ADAMTS17: variants seen among roughly 807,000 people sequenced by gnomAD.
ADAMTS17 encodes the protein A disintegrin and metalloproteinase with thrombospondin motifs 17.
Under a neutral mutation model 141.5 loss-of-function variants are expected in ADAMTS17, and 113 were observed. The observed-to-expected ratio is 0.80, with a 90% CI of 0.69 to 0.93. The LOEUF (loss-of-function observed/expected upper bound fraction) is 0.93, where lower values mean the gene tolerates loss of function less well. Among genes scored for constraint, ADAMTS17 ranks in the 40% least tolerant of loss-of-function variants. ADAMTS17 has a pLI of 0.00. For synonymous variants in ADAMTS17, 768 were observed against 630.6 expected (o/e 1.22, Z -3.27); for missense variants, 1,659 against 1,517.9 (o/e 1.09, Z -1.54).
intron 8 of ADAMTS17, among the ~76,000 whole-genome samples, chr15:100,164,853 G>C (rs541627019): frequency 1.3e-4 from 20 of 152,310 alleles, no homozygotes; most frequent in African/African-American, 4.6e-4. Flanking sequence ...ACTGTTCTTG[G>C]TAAGTGGCTA....
chr15:100,290,586 T>G (rs2044595982), intron 3 of ADAMTS17, among the ~76,000 whole-genome samples: 2 of 152,130 alleles, frequency 1.3e-5, no homozygotes, highest in South Asian at 4.1e-4. Context: ...GAAGGAGGCA[T>G]GACATTACCG....
In ADAMTS17 at chr15:100,063,569, C is replaced by T. The variant is rs116610493; in HGVS notation, c.2138-9515G>A. On this transcript the variant is annotated intron_variant, in intron 15 of 21. Coordinates refer to ENST00000268070, the MANE Select transcript of ADAMTS17 (RefSeq NM_139057.4). ...GGTGCTCATGTCATTACAACACAGG[C>T]GTGAAACCAGCCATAACCCGGGAGG... is the stretch of plus-strand genomic sequence containing the variant. 1.8e-3 allele frequency: 1,789 copies of T among 982,496 alleles called. 22 individuals carry two copies. In the African/African-American group the frequency reaches 0.026, roughly 14 times the overall value. 60.9% of individuals were successfully genotyped at this position (982,496 alleles called of 1,614,324 possible).
intron 6 of ADAMTS17, chr15:100,257,068 C>T (rs1377079567): frequency 1.3e-5 from 2 of 152,254 alleles, no homozygotes; most frequent in African/African-American, 2.4e-5. Context: ...TCCGGCTTGA[C>T]CACAGCCTGG....
intron 3 of ADAMTS17, among the ~76,000 whole-genome samples, chr15:100,319,550 A>C (rs2045666301): frequency 6.6e-6 from 1 of 152,284 alleles, no homozygotes; most frequent in Non-Finnish European, 1.5e-5. Context: ...CTCTACTAAA[A>C]ATACAAAAAA....
In ADAMTS17 at chr15:100,204,130, A is replaced by G. The variant is rs145087981; in HGVS notation, c.1076-4707T>C. ...ATTAGTTCTTTTTCAGTAGAAAACT[A>G]CATGATAGAAGCTCATAACTCTTTA... On this transcript the variant is annotated intron_variant, in intron 7 of 21. Coordinates refer to ENST00000268070, the MANE Select transcript of ADAMTS17 (RefSeq NM_139057.4). 7.8e-4 allele frequency among the ~76,000 whole-genome samples: 119 copies of G among 152,332 alleles called. 1 individual carries two copies. The East Asian group carries it at 0.014, about 18-fold the overall frequency.
At position 100,204,301 on chromosome 15, in the gene ADAMTS17, C is replaced by T. The variant is rs747490022; in HGVS notation, c.1076-4878G>A. 1.0e-3 allele frequency among the ~76,000 whole-genome samples: 159 copies of T among 152,342 alleles called. 2 individuals carry two copies. Among genetic ancestry groups the T allele is most frequent in the Admixed American group, 2.0e-3 (30 of 15,306 alleles). ...GCCCATTAGTCCAACCTTACAGGGT[C>T]TGCCTTTGAGAGAGATGGCTCAGTT... On this transcript the variant is annotated intron_variant, in intron 7 of 21. Transcript: ENST00000268070.
At chr15:100,221,402 CA>C (rs2042130329) in intron 7 of ADAMTS17, among the ~76,000 whole-genome samples, 1 of 152,022 alleles carries the variant, frequency 6.6e-6, no homozygotes, top group African/African-American at 2.4e-5. Flanking sequence ...ACAGCTCATA[CA>C]CTCATATAAG....
chr15:100,306,233 G>C (rs2045220354), intron 3 of ADAMTS17: 5 of 332,978 alleles, frequency 1.5e-5, no homozygotes, highest in Admixed American at 3.8e-5. Flanking sequence ...GAGCGGTGGG[G>C]TCTATCTCTC....
intron 15 of ADAMTS17, among the ~76,000 whole-genome samples, chr15:100,088,868 A>T (rs1431472442): frequency 7.7e-6 from 1 of 129,972 alleles, no homozygotes; most frequent in Non-Finnish European, 1.5e-5. Context: ...TACATGTGAG[A>T]CCTAAACCAG....
At chr15:99,998,019 G>C (rs979762029) in intron 18 of ADAMTS17, among the ~76,000 whole-genome samples, 3 of 152,216 alleles carry the variant, frequency 2.0e-5, no homozygotes, top group Non-Finnish European at 4.4e-5. Context: ...TGGGAGAACA[G>C]TCCCAGTACA....
rs2060206359 is a variant in ADAMTS17, at chr15:99,971,646, AAACGAAAAAAG to A, written c.*2745_*2755del. Reference sequence around the variant, plus strand: ...TGGAAAATAGATACATTTGACTCTGAAACGAAAAAAGGACAATCGTATTGCCATAGAGGCTC... The same window carrying A: ...TGGAAAATAGATACATTTGACTCTGAGACAATCGTATTGCCATAGAGGCTC... On this transcript the variant is annotated 3_prime_UTR_variant, in exon 22 of 22. Transcript: ENST00000268070. The A allele has an allele frequency of 1.3e-5, 2 of 152,236 alleles. No homozygotes were observed. Among genetic ancestry groups the A allele is most frequent in the African/African-American group, 2.4e-5 (1 of 41,444 alleles). The allele number at this position is 152,236 out of a possible 1,614,324, so 9.4% of individuals were successfully genotyped here. A position where few individuals can be genotyped will look rare whatever the true frequency, so the allele number is the denominator to read the frequency against.
intron 4 of ADAMTS17, among the ~76,000 whole-genome samples, chr15:100,277,692 G>C (rs1374007633): frequency 1.3e-5 from 2 of 152,208 alleles, no homozygotes; most frequent in African/African-American, 4.8e-5. Flanking sequence ...GAGGAACACG[G>C]AACTATTTCT....
intron 8 of ADAMTS17, among the ~76,000 whole-genome samples, chr15:100,198,537 T>C (rs182401739): frequency 6.6e-6 from 1 of 152,248 alleles, no homozygotes; most frequent in African/African-American, 2.4e-5. Context: ...CTGTTTGGCA[T>C]GCTCTGGCCT....
At chr15:100,059,290 G>A (rs1007914822) in intron 15 of ADAMTS17, among the ~76,000 whole-genome samples, 5 of 152,234 alleles carry the variant, frequency 3.3e-5, no homozygotes, top group Admixed American at 6.5e-5. Flanking sequence ...GGCCATCGCC[G>A]CAGTGGCTGC....
At chr15:99,982,852 AGCTGGCT>A (rs2060508680) in intron 20 of ADAMTS17, among the ~76,000 whole-genome samples, 1 of 152,186 alleles carries the variant, frequency 6.6e-6, no homozygotes, top group Non-Finnish European at 1.5e-5. Context: ...TGTGCGTCGG[AGCTGGCT>A]GCCCGGTGGA....
Position 99,997,552 on chromosome 15 carries a change from A to T in ADAMTS17, c.2629T>A (p.Cys877Ser). The stretch of plus-strand genomic sequence containing the variant: ...TCCCGGTGCTGGAAGCCTTTCTCAC[A>T]GGTCGCCGAGCAGGGGCTCCACGGG... ...AGPWSPCSAT[C>S]EKGFQHREVT... The change falls in exon 19 of 22, where the codon TGT becomes AGT. Residue 877 changes from cysteine (C) to serine (S), a missense_variant. Coordinates refer to ENST00000268070, the MANE Select transcript of ADAMTS17 (RefSeq NM_139057.4). This position sits in a 1 kb window ranked among gnomAD's most constrained non-coding sequence, Gnocchi z 4.7. 1 of 1,613,388 alleles carries T rather than the reference A, an allele frequency of 6.2e-7. No individual in the cohort carries two copies. The highest frequency in any genetic ancestry group is 8.5e-7 in the Non-Finnish European group (1 of 1,179,924).
intron 7 of ADAMTS17, among the ~76,000 whole-genome samples, chr15:100,229,014 T>C (rs986014675): frequency 6.6e-6 from 1 of 152,190 alleles, no homozygotes; most frequent in African/African-American, 2.4e-5. Flanking sequence ...GGTGAAACAT[T>C]CAGTGACATT....
chr15:100,082,636 C>T (rs2034824315), intron 15 of ADAMTS17, among the ~76,000 whole-genome samples: 1 of 151,828 alleles, frequency 6.6e-6, no homozygotes, highest in African/African-American at 2.4e-5. Flanking sequence ...TTTGAGATCT[C>T]TTTTTTGTTT....
In ADAMTS17 at chr15:100,077,613, C is replaced by G. The variant is rs573248584; in HGVS notation, c.2137+18743G>C. Among the ~76,000 whole-genome samples the G allele has an allele frequency of 2.3e-3, 343 of 152,228 alleles. 6 individuals carry two copies. Among genetic ancestry groups the G allele is most frequent in the South Asian group, 2.7e-3 (13 of 4,820 alleles). ...TCAACAAACTAGGAATAGAAGGGAGCATGCTCAACCTGATAAAGGGCATCT... is the reference window on the plus strand; with the variant it reads ...TCAACAAACTAGGAATAGAAGGGAGGATGCTCAACCTGATAAAGGGCATCT... On this transcript the variant is annotated intron_variant, in intron 15 of 21. Transcript: ENST00000268070.
Sources: allele counts gnomAD v4.1 joint callset (sites outside exome capture counted in the v4.1 genomes callset), GRCh38; gene constraint gnomAD v4.1.1; non-coding constraint Gnocchi (gnomAD v3.1); transcripts MANE v1.5; gene names NCBI Gene and HGNC (gene_info 2026-07-23, HGNC 2026-07-21).